Variants in DOCK4 observed in about 807,000 individuals in gnomAD.
DOCK4 encodes dedicator of cytokinesis 4, also known as dedicator of cytokinesis protein 4.
A neutral mutation model predicts 268.1 loss-of-function variants in DOCK4; 97 were observed. That is an observed-to-expected ratio of 0.36 (90% CI 0.31 to 0.43). The LOEUF (loss-of-function observed/expected upper bound fraction) is 0.43. DOCK4 is among the 20% of genes least tolerant of loss of function. The pLI, the probability that DOCK4 is intolerant of heterozygous loss-of-function variation, is 1.00. For synonymous variants in DOCK4, 954 were observed against 887.2 expected (o/e 1.08, Z -1.34); for missense variants, 2,145 against 2,455.7 (o/e 0.87, Z 2.67).
rs35579043 is a variant in DOCK4 at position 112,205,772 on chromosome 7, GACACACAC to G, written c.37+322_37+329del. 2.7e-5 allele frequency among the ~76,000 whole-genome samples: 4 copies of G among 148,854 alleles called. No homozygotes were observed. The South Asian group carries it at 6.4e-4, about 24-fold the overall frequency. ...CCCCATTCGCCTCCTCTTCCAACTT[GACACACAC>G]ACACACACACACACACACGCCCAGT... is the stretch of plus-strand genomic sequence containing the variant. On this transcript the variant is annotated intron_variant, in intron 1 of 52. Coordinates refer to ENST00000428084, the MANE Select transcript of DOCK4 (RefSeq NM_001363540.2).
intron 36 of DOCK4, among the ~76,000 whole-genome samples, chr7:111,771,881 A>G (rs1246949438): frequency 6.6e-6 from 1 of 152,124 alleles, no homozygotes; most frequent in African/African-American, 2.4e-5. Flanking sequence ...TTAATGACCC[A>G]GCTCAGGAGT....
chr7:111,815,576 C>G (rs1801476208), intron 27 of DOCK4, among the ~76,000 whole-genome samples: 1 of 151,616 alleles, frequency 6.6e-6, no homozygotes, highest in African/African-American at 2.4e-5. Context: ...CTACCACAAA[C>G]AGCCAAATTA....
chr7:111,869,407 C>T, intron 21 of DOCK4, 167 bp downstream of exon 21: 1 of 631,198 alleles, frequency 1.6e-6, no homozygotes, highest in Non-Finnish European at 2.8e-6. Flanking sequence ...AAGTCCCCTT[C>T]AAATTTCATC....
At chr7:111,890,152 T>C (rs1344302193) in intron 16 of DOCK4, among the ~76,000 whole-genome samples, 9 of 152,214 alleles carry the variant, frequency 5.9e-5, no homozygotes, top group Admixed American at 5.9e-4. Context: ...CTCATCAATC[T>C]CCTCAAGAGA....
chr7:111,949,264 T>C (rs933888395), intron 8 of DOCK4, among the ~76,000 whole-genome samples: 2 of 152,192 alleles, frequency 1.3e-5, no homozygotes, highest in African/African-American at 2.4e-5. Context: ...CCAATAAGAT[T>C]AAAATACAGA....
At chr7:112,058,473 G>A (rs767743567) in intron 1 of DOCK4, among the ~76,000 whole-genome samples, 3 of 152,124 alleles carry the variant, frequency 2.0e-5, no homozygotes, top group Non-Finnish European at 4.4e-5. Context: ...GAGAATCTCT[G>A]ATATGTCTTT....
intron 8 of DOCK4, among the ~76,000 whole-genome samples, chr7:111,960,118 C>G (rs1796750528): frequency 6.6e-6 from 1 of 151,928 alleles, no homozygotes; most frequent in Non-Finnish European, 1.5e-5. Context: ...GTTATCCTAG[C>G]ACTTTCGGAG....
intron 8 of DOCK4, among the ~76,000 whole-genome samples, chr7:111,964,599 G>A (rs1169514753): frequency 7.3e-6 from 1 of 136,988 alleles, no homozygotes; most frequent in Non-Finnish European, 1.5e-5. Context: ...TGAAAGTGAT[G>A]GGGAGAATGG....
At chr7:111,795,261 A>G (rs997345761) in intron 30 of DOCK4, among the ~76,000 whole-genome samples, 64 of 152,070 alleles carry the variant, frequency 4.2e-4, no homozygotes, top group African/African-American at 1.5e-3. Context: ...GAAGCCCAAA[A>G]TGAAGTACAG....
chr7:111,854,998 A>C (rs925119441), intron 23 of DOCK4, among the ~76,000 whole-genome samples: 1 of 152,262 alleles, frequency 6.6e-6, no homozygotes, highest in Admixed American at 6.5e-5. Flanking sequence ...TTTCTTGAGA[A>C]AATGAGAGAC....
chr7:111,905,370 C>T (rs139115334), intron 13 of DOCK4, among the ~76,000 whole-genome samples: 1 of 152,326 alleles, frequency 6.6e-6, no homozygotes, highest in African/African-American at 2.4e-5. Flanking sequence ...ACCACACTTT[C>T]TTCCTCTTTA....
chr7:112,049,061 A>G (rs1805116205), intron 1 of DOCK4, among the ~76,000 whole-genome samples: 1 of 152,248 alleles, frequency 6.6e-6, no homozygotes, highest in Admixed American at 6.5e-5. Context: ...CCCTTCAGGC[A>G]GATGGAAATG....
Position 111,900,451 on chromosome 7 carries a change from G to C in DOCK4, c.1403C>G (p.Ser468Cys), listed in dbSNP as rs780084673. ...AGGAATGGGAAGTTTCAGCAGTTCA[G>C]ACCACCTGGGACTGTTGTTATGGTA... ...VLYHNNSPRW[S>C]ELLKLPIPVD... is the part of the protein sequence containing the mutation. Residue 468 changes from serine to cysteine, a missense_variant, in exon 15 of 53, where the codon TCT becomes TGT. Ser to Cys is a moderately radical substitution (Grantham distance 112). Around this residue, in one of 2 missense-constraint regions of DOCK4, gnomAD observed 1,598 missense variants for 1,986.7 expected, o/e 0.80. Transcript: ENST00000428084. 9.3e-6 allele frequency: 15 copies of C among 1,613,252 alleles called. No homozygotes were observed. The highest frequency in any genetic ancestry group is 1.3e-5 in the Non-Finnish European group (15 of 1,179,700).
intron 27 of DOCK4, chr7:111,820,315 T>C (rs374198471): frequency 2.8e-4 from 42 of 152,182 alleles, no homozygotes; most frequent in African/African-American, 1.0e-3. Context: ...CCACCAGCCA[T>C]TGCCAGTGGA....
At chr7:111,942,671 T>C (rs953009780) in intron 10 of DOCK4, among the ~76,000 whole-genome samples, 5 of 152,120 alleles carry the variant, frequency 3.3e-5, no homozygotes, top group African/African-American at 4.8e-5. Context: ...TTTAGTTACC[T>C]GTTTCTAACC....
chr7:111,795,447 T>C (rs1799828073), intron 30 of DOCK4, among the ~76,000 whole-genome samples: 2 of 152,158 alleles, frequency 1.3e-5, no homozygotes, highest in South Asian at 2.1e-4. Context: ...TTGAAGCTGA[T>C]GGAAGCCATT....
chr7:111,903,762 A>G (rs1218764417), intron 13 of DOCK4, among the ~76,000 whole-genome samples: 3 of 152,216 alleles, frequency 2.0e-5, no homozygotes, highest in Non-Finnish European at 1.5e-5. Flanking sequence ...GTTTCCACGA[A>G]CAGATGTGGC....
intron 2 of DOCK4, 117 bp downstream of exon 2, chr7:112,003,931 C>T (rs1586618662): frequency 3.0e-6 from 2 of 675,514 alleles, no homozygotes; most frequent in Non-Finnish European, 4.6e-6. Context: ...ACAATTTTGT[C>T]AAAAATGACT....
At chr7:111,784,451 T>A (rs1355779890) in intron 32 of DOCK4, 1 of 556,320 alleles carries the variant, frequency 1.8e-6, no homozygotes, top group East Asian at 4.2e-5. Flanking sequence ...AAAATCCTTG[T>A]ACAGCTGGTA....
Sources: gnomAD v4.1 joint callset for allele counts (sites outside exome capture counted in the v4.1 genomes callset) on GRCh38, gnomAD v4.1.1 for gene constraint, gnomAD v4.1.1 regional missense constraint, MANE v1.5 for transcripts, NCBI Gene and HGNC (gene_info 2026-07-23, HGNC 2026-07-21) for gene names.